ANK3: variants seen among roughly 807,000 people sequenced by gnomAD.
ANK3 encodes the protein ankyrin-3.
A neutral mutation model predicts 370.9 loss-of-function variants in ANK3; 57 were observed. That is an observed-to-expected ratio of 0.15 (90% CI 0.12 to 0.19). ANK3 has a LOEUF of 0.19. Ranked by LOEUF, ANK3 falls within the 10% of genes least tolerant of loss-of-function variation. ANK3 has a pLI of 1.00. For synonymous variants in ANK3, 1,929 were observed against 1,946.3 expected, an observed-to-expected ratio of 0.99 and a Z score of 0.23; for missense variants, 4,439 against 5,302.1, an observed-to-expected ratio of 0.84 and a Z score of 5.06.
intron 2 of ANK3, among the ~76,000 whole-genome samples, chr10:60,481,014 C>A (rs771668648): frequency 6.6e-6 from 1 of 152,124 alleles, no homozygotes; most frequent in Admixed American, 6.5e-5. Context: ...GCTGGACTTC[C>A]GAAGCTTAAG....
At position 60,263,838 on chromosome 10, in the gene ANK3, T is replaced by C. The variant is rs2097843920; in HGVS notation, c.696A>G (p.Ser232=). Residue 232 remains serine, a synonymous_variant, in exon 6 of 44, where the codon TCA becomes TCG. Coordinates refer to ENST00000280772, the MANE Select transcript of ANK3 (RefSeq NM_020987.5). ...GCCCGTGTCCCTCGTGCCTCACCTT[T>C]GATTCCACATCTGCATTGTTGTCAT... ...LQNDNNADVE[S]KSGFTPLHIA... 1.2e-6 allele frequency: 2 copies of C among 1,613,856 alleles called. No individual in the cohort carries two copies. Among genetic ancestry groups the C allele is most frequent in the Non-Finnish European group, 1.7e-6 (2 of 1,179,996 alleles).
chr10:60,480,784 C>T (rs938207160), intron 2 of ANK3, among the ~76,000 whole-genome samples: 2 of 152,202 alleles, frequency 1.3e-5, no homozygotes, highest in Admixed American at 6.5e-5. Context: ...GCCAAAAAGT[C>T]ACTCAAATAA....
chr10:60,506,032 C>A (rs1170204518), intron 2 of ANK3, among the ~76,000 whole-genome samples: 1 of 151,938 alleles, frequency 6.6e-6, no homozygotes, highest in South Asian at 2.1e-4. Flanking sequence ...TCACAATAAA[C>A]CCCCCAAACC....
chr10:60,284,656 T>A (rs2098218238), intron 1 of ANK3, among the ~76,000 whole-genome samples: 1 of 152,144 alleles, frequency 6.6e-6, no homozygotes, highest in African/African-American at 2.4e-5. Context: ...TTCAGGTATA[T>A]CTTCCATGGA....
At chr10:60,581,964 A>C (rs2133281073) in intron 2 of ANK3, among the ~76,000 whole-genome samples, 1 of 152,246 alleles carries the variant, frequency 6.6e-6, no homozygotes, top group African/African-American at 2.4e-5. Context: ...AGTTCATGTT[A>C]TTTGCAGGGA....
chr10:60,581,102 G>A (rs2077744882), intron 2 of ANK3, among the ~76,000 whole-genome samples: 1 of 152,204 alleles, frequency 6.6e-6, no homozygotes, highest in Non-Finnish European at 1.5e-5. Flanking sequence ...TACAGACGAG[G>A]TGCATTATAA....
At chr10:60,603,816 T>A (rs183900148) in intron 2 of ANK3, among the ~76,000 whole-genome samples, 2 of 152,222 alleles carry the variant, frequency 1.3e-5, no homozygotes, top group African/African-American at 4.8e-5. Flanking sequence ...ACAAGAGCTG[T>A]CTCATTTTAG....
At chr10:60,144,682 G>T (rs923709639) in intron 23 of ANK3, among the ~76,000 whole-genome samples, 2 of 152,074 alleles carry the variant, frequency 1.3e-5, no homozygotes, top group Non-Finnish European at 2.9e-5. Flanking sequence ...AACTTCGTCT[G>T]CCAGGAAAAC....
chr10:60,393,521 G>A (rs1212751698), upstream of ANK3, among the ~76,000 whole-genome samples: 1 of 152,082 alleles, frequency 6.6e-6, no homozygotes, highest in Non-Finnish European at 1.5e-5. Flanking sequence ...GCATACTCCA[G>A]ATAACATCTA....
chr10:60,398,118 A>G (rs1268324221), intron 2 of ANK3, among the ~76,000 whole-genome samples: 1 of 152,224 alleles, frequency 6.6e-6, no homozygotes, highest in Admixed American at 6.5e-5. Flanking sequence ...ACCAGAGACA[A>G]TATGTAAGGG....
intron 38 of ANK3, among the ~76,000 whole-genome samples, chr10:60,067,440 A>C (rs1315368878): frequency 6.6e-6 from 1 of 152,144 alleles, no homozygotes; most frequent in Admixed American, 6.5e-5. Flanking sequence ...ATAAACATAG[A>C]GTTTTATGTG....
At chr10:60,105,808 C>T (rs2092089243) in intron 28 of ANK3, 97 bp downstream of exon 28, 1 of 1,314,530 alleles carries the variant, frequency 7.6e-7, no homozygotes, top group East Asian at 2.6e-5. Context: ...GCTTAAAATA[C>T]AAATGTGTGA....
At chr10:60,622,203 G>A (rs1567184702) in intron 1 of ANK3, among the ~76,000 whole-genome samples, 1 of 151,822 alleles carries the variant, frequency 6.6e-6, no homozygotes, top group Non-Finnish European at 1.5e-5. Context: ...TGGAAAGCCA[G>A]TAAGTTTGTA....
chr10:60,664,839 T>C (rs1276868063), intron 1 of ANK3, among the ~76,000 whole-genome samples: 2 of 152,230 alleles, frequency 1.3e-5, no homozygotes, highest in African/African-American at 4.8e-5. Context: ...TTCAAGTGCA[T>C]AGATGCTAAA....
At chr10:60,651,115 T>TTA (rs1320330543) in intron 1 of ANK3, among the ~76,000 whole-genome samples, 3 of 152,246 alleles carry the variant, frequency 2.0e-5, no homozygotes, top group Non-Finnish European at 2.9e-5. Flanking sequence ...AGATATTGTT[T>TTA]TATATATATG....
chr10:60,168,600 T>C (rs1394792272), intron 21 of ANK3, among the ~76,000 whole-genome samples: 3 of 152,162 alleles, frequency 2.0e-5, no homozygotes, highest in Non-Finnish European at 2.9e-5. Context: ...GTTTGTTACA[T>C]AGGTAAACAA....
In ANK3 at chr10:60,410,954, G is replaced by A. The variant is rs1043428448; in HGVS notation, c.97-131315C>T. On this transcript the variant is annotated intron_variant, in intron 2 of 43. Transcript: ENST00000373827. ...TTCCCAAAGTGCTGGAATTACAGGC[G>A]TAAGCCACTGTACCTGGCCTCTCCC... is the stretch of plus-strand genomic sequence containing the variant. 1.2e-4 allele frequency among the ~76,000 whole-genome samples: 18 copies of A among 152,108 alleles called. No individual in the cohort carries two copies. The South Asian group carries it at 2.1e-3, about 18-fold the overall frequency.
intron 21 of ANK3, among the ~76,000 whole-genome samples, chr10:60,169,371 T>TTG (rs2095714587): frequency 6.0e-5 from 9 of 149,808 alleles, no homozygotes; most frequent in Admixed American, 5.3e-4. Flanking sequence ...ATAGTTTTTT[T>TTG]TTTTTTTTTT....
At chr10:60,398,833 G>A (rs1176070779) in intron 2 of ANK3, among the ~76,000 whole-genome samples, 6 of 152,122 alleles carry the variant, frequency 3.9e-5, no homozygotes, top group Non-Finnish European at 8.8e-5. Context: ...ACCTCTAACA[G>A]TGTCATAAAC....
Sources: allele counts gnomAD v4.1 joint callset (sites outside exome capture counted in the v4.1 genomes callset), GRCh38; gene constraint gnomAD v4.1.1; transcripts MANE v1.5; gene names NCBI Gene and HGNC (gene_info 2026-07-23, HGNC 2026-07-21).